The following BEND6 variants were observed in gnomAD, a reference collection of about 807,000 sequenced individuals.
BEND6 encodes BEN domain-containing protein 6.
BEND6 carries 24 observed loss-of-function variants against 31.8 expected under a neutral mutation model. The observed-to-expected ratio is 0.75, with a 90% confidence interval of 0.55 to 1.06. The LOEUF is 1.06. BEND6 is among the 50% of genes least tolerant of loss of function. BEND6 has a pLI of 0.00. For missense variants in BEND6, 294 were observed against 327.4 expected (o/e 0.90, Z 0.79); for synonymous variants, 109 against 114.6 (o/e 0.95, Z 0.31).
chr6:57,026,105 G>A lies in BEND6; in HGVS notation c.*33G>A, dbSNP rs377520439. The A allele has an allele frequency of 9.9e-5, 15 of 152,274 alleles. No homozygotes were observed. Among genetic ancestry groups the A allele is most frequent in the South Asian group, 6.2e-4 (3 of 4,818 alleles). The allele number at this position is 152,274 out of a possible 1,614,324, so 9.4% of individuals were successfully genotyped here. A position where few individuals can be genotyped will look rare whatever the true frequency, so the allele number is the denominator to read the frequency against. ...AGGTATTACAGGTATCTGAAACAAAGCACCTTCAATTCTAAATCTAGCACT... is the reference window on the plus strand; with the variant it reads ...AGGTATTACAGGTATCTGAAACAAAACACCTTCAATTCTAAATCTAGCACT... On this transcript the variant is annotated 3_prime_UTR_variant, in exon 7 of 7. Coordinates refer to ENST00000370746, the MANE Select transcript of BEND6 (RefSeq NM_152731.3).
chr6:57,015,045 C>T (rs2127890085), intron 3 of BEND6, 88 bp from the exon 4 acceptor site: 1 of 1,020,630 alleles, frequency 9.8e-7, no homozygotes, highest in African/African-American at 1.6e-5. Flanking sequence ...CTGCATATTT[C>T]TATGCACATA....
chr6:57,018,866 A>G (rs1827652122), intron 6 of BEND6, among the ~76,000 whole-genome samples: 1 of 152,228 alleles, frequency 6.6e-6, no homozygotes, highest in East Asian at 1.9e-4. Flanking sequence ...TTTACTGAGG[A>G]AATTTTTTCA....
chr6:56,970,399 T>G (rs1019484747), intron 1 of BEND6, among the ~76,000 whole-genome samples: 2 of 152,110 alleles, frequency 1.3e-5, no homozygotes, highest in African/African-American at 4.8e-5. Context: ...TGTCACAAAC[T>G]CCTGAACTCA....
At chr6:57,023,960 A>C (rs2127896502) in intron 6 of BEND6, among the ~76,000 whole-genome samples, 1 of 152,198 alleles carries the variant, frequency 6.6e-6, no homozygotes, top group South Asian at 2.1e-4. Flanking sequence ...TTTTTAGTGA[A>C]TCTATTAAAG....
rs1827913546 is a variant in BEND6, at chr6:57,026,690, A to G, written c.*618A>G. On this transcript the variant is annotated 3_prime_UTR_variant, in exon 7 of 7. Transcript: ENST00000370746. The stretch of plus-strand genomic sequence containing the variant: ...AAATGTATAAAATGGGAATATGAAA[A>G]AAATGACAACAGCAAGATGTTTTAT... 1 of 152,234 alleles carries G rather than the reference A, an allele frequency of 6.6e-6. No individual in the cohort carries two copies. The highest frequency in any genetic ancestry group is 6.5e-5 in the Admixed American group (1 of 15,290). 9.4% of individuals were successfully genotyped at this position (152,234 alleles called of 1,614,324 possible).
chr6:57,016,648 A>G (rs1346455762), intron 4 of BEND6, among the ~76,000 whole-genome samples: 1 of 152,176 alleles, frequency 6.6e-6, no homozygotes, highest in Non-Finnish European at 1.5e-5. Flanking sequence ...TCCCTCTCAC[A>G]CTTCAGATCT....
chr6:57,012,583 A>AT (rs1227818020), intron 3 of BEND6, among the ~76,000 whole-genome samples: 2 of 152,226 alleles, frequency 1.3e-5, no homozygotes, highest in African/African-American at 4.8e-5. Context: ...AATTGTATGT[A>AT]AATTAGGCCT....
At chr6:56,984,776 A>C (rs1049364267) in intron 2 of BEND6, among the ~76,000 whole-genome samples, 1 of 152,222 alleles carries the variant, frequency 6.6e-6, no homozygotes, top group East Asian at 1.9e-4. Flanking sequence ...ACAATATACA[A>C]AACAAAAAGC....
At chr6:57,022,168 T>C (rs4541745) in intron 6 of BEND6, among the ~76,000 whole-genome samples, 9,543 of 144,748 alleles carry the variant, frequency 0.066, 345 homozygotes, top group East Asian at 0.096. Context: ...CTTTTTCTTT[T>C]TTTTTTTTTT....
intron 1 of BEND6, among the ~76,000 whole-genome samples, chr6:56,981,133 A>T (rs111760136): frequency 0.018 from 2,794 of 152,276 alleles, 70 homozygotes; most frequent in African/African-American, 0.062. Flanking sequence ...AGATTTTGAT[A>T]AATGATTATT....
At chr6:56,961,891 C>T (rs561144971) in intron 1 of BEND6, among the ~76,000 whole-genome samples, 16 of 152,204 alleles carry the variant, frequency 1.1e-4, no homozygotes, top group Non-Finnish European at 2.1e-4. Context: ...AGCTGTTCAG[C>T]TTCACCTACT....
chr6:56,973,504 A>G (rs1010974508), intron 1 of BEND6, among the ~76,000 whole-genome samples: 1 of 151,780 alleles, frequency 6.6e-6, no homozygotes, highest in Middle Eastern at 3.2e-3. Context: ...AAACATTAAT[A>G]ACAATAACTA....
At chr6:56,978,894 A>G (rs997114965) in intron 1 of BEND6, among the ~76,000 whole-genome samples, 27 of 152,226 alleles carry the variant, frequency 1.8e-4, no homozygotes, top group African/African-American at 6.3e-4. Flanking sequence ...ATAAGACAAA[A>G]TTATATACAA....
intron 3 of BEND6, among the ~76,000 whole-genome samples, chr6:57,013,656 T>C (rs1827425635): frequency 6.6e-6 from 1 of 152,076 alleles, no homozygotes; most frequent in Admixed American, 6.6e-5. Context: ...TCATGATGAG[T>C]GGCGAAGATA....
intron 4 of BEND6, among the ~76,000 whole-genome samples, chr6:57,016,478 C>T (rs1827563442): frequency 6.6e-6 from 1 of 152,162 alleles, no homozygotes; most frequent in South Asian, 2.1e-4. Flanking sequence ...TCCTGCTCAT[C>T]CAGGCTGTGG....
intron 1 of BEND6, among the ~76,000 whole-genome samples, chr6:56,975,453 C>T (rs927274677): frequency 2.0e-5 from 3 of 152,206 alleles, no homozygotes; most frequent in African/African-American, 4.8e-5. Context: ...CTAGTCCACA[C>T]TCCAATATAC....
In BEND6 at chr6:56,976,497, G is replaced by A. The variant is rs113648996; in HGVS notation, c.-100-5214G>A. 5.9e-3 allele frequency among the ~76,000 whole-genome samples: 889 copies of A among 151,086 alleles called. 12 individuals carry two copies. The highest frequency in any genetic ancestry group is 0.021 in the African/African-American group (850 of 41,168). ...GGCGTGAGTCACCATGCCCAGCCGC[G>A]TTAGTGCTTCTAAGGCAGAGTGGAG... On this transcript the variant is annotated intron_variant, in intron 1 of 6. Coordinates refer to ENST00000370746, the MANE Select transcript of BEND6 (RefSeq NM_152731.3).
intron 3 of BEND6, chr6:57,008,139 T>C: frequency 1.4e-6 from 1 of 702,656 alleles, no homozygotes; most frequent in Non-Finnish European, 2.6e-6. Context: ...GCCTGTCTAC[T>C]GTGGTACCGG....
At chr6:56,967,157 G>C (rs1354904139) in intron 1 of BEND6, among the ~76,000 whole-genome samples, 1 of 152,128 alleles carries the variant, frequency 6.6e-6, no homozygotes, top group Admixed American at 6.6e-5. Context: ...CAGGAGGTAT[G>C]AGGAGCCCTG....
Sources: gnomAD v4.1 joint callset for allele counts (sites outside exome capture counted in the v4.1 genomes callset) on GRCh38, gnomAD v4.1.1 for gene constraint, MANE v1.5 for transcripts, NCBI Gene and HGNC (gene_info 2026-07-23, HGNC 2026-07-21) for gene names.